The following TCF25 variants were observed in gnomAD, a reference collection of about 807,000 sequenced individuals.
TCF25 encodes the protein TCF25 ribosome quality control complex subunit.
TCF25 carries 41 observed loss-of-function variants against 83.1 expected under a neutral mutation model. The observed-to-expected ratio is 0.49, with a 90% CI of 0.38 to 0.64. The LOEUF (loss-of-function observed/expected upper bound fraction) is 0.64, where lower values mean the gene tolerates loss of function less well. Ranked by LOEUF, TCF25 falls within the 30% of genes least tolerant of loss-of-function variation. The probability of loss-of-function intolerance (pLI) is 0.00; values close to 1 mark genes in which losing one functional copy is unlikely to be tolerated. For synonymous variants in TCF25, 458 were observed against 365.0 expected, an observed-to-expected ratio of 1.25 and a Z score of -2.90; for missense variants, 979 against 914.5, an observed-to-expected ratio of 1.07 and a Z score of -0.91.
At chr16:89,888,315 T>C (rs2043167759) in intron 5 of TCF25, among the ~76,000 whole-genome samples, 1 of 146,842 alleles carries the variant, frequency 6.8e-6, no homozygotes, top group Non-Finnish European at 1.5e-5. Flanking sequence ...AGTTTTGTCG[T>C]GGTGGCTCAC....
At chr16:89,909,384 A>G in intron 16 of TCF25, 1 of 303,084 alleles carries the variant, frequency 3.3e-6, no homozygotes, top group South Asian at 3.0e-5. Context: ...GGTGCCGCAC[A>G]CCTGTAGTCC....
chr16:89,886,027 C>T lies in TCF25; in HGVS notation c.548+61C>T, dbSNP rs1397273891. The T allele has an allele frequency of 2.1e-6, 3 of 1,421,216 alleles. No homozygotes were observed. The South Asian group carries it at 3.5e-5, about 16-fold the overall frequency. The allele number at this position is 1,421,216 out of a possible 1,614,324, so 88.0% of individuals were successfully genotyped here. A position where few individuals can be genotyped will look rare whatever the true frequency, so the allele number is the denominator to read the frequency against. Reference sequence around the variant, plus strand: ...CTGCGGCTGCCCTTCTCTGCGGCTGCCCTTCTCTGCGGCTGCCCTTCTCTG... The same window carrying T: ...CTGCGGCTGCCCTTCTCTGCGGCTGTCCTTCTCTGCGGCTGCCCTTCTCTG... On this transcript the variant is annotated intron_variant, in intron 4 of 17. Coordinates refer to ENST00000263346, the MANE Select transcript of TCF25 (RefSeq NM_014972.3).
chr16:89,892,140 G>C (rs2043480610), intron 5 of TCF25, 53 bp from the exon 6 acceptor site: 1 of 1,511,144 alleles, frequency 6.6e-7, no homozygotes, highest in Non-Finnish European at 8.9e-7. Context: ...GCCAAGCCTT[G>C]GTCCCCACAC....
intron 12 of TCF25, 66 bp downstream of exon 12, chr16:89,900,860 C>G (rs951177884): frequency 6.3e-6 from 9 of 1,436,442 alleles, no homozygotes; most frequent in Non-Finnish European, 7.4e-6. Flanking sequence ...GCTGCTCTTC[C>G]TGGTGGTGGA....
At chr16:89,895,895 C>T (rs1031015779) in intron 8 of TCF25, 95 bp from the exon 9 acceptor site, 9 of 1,161,984 alleles carry the variant, frequency 7.7e-6, no homozygotes, top group African/African-American at 3.1e-5. Flanking sequence ...CGTGACCTTC[C>T]GTCCAGACCT....
Position 89,873,824 on chromosome 16 carries a change from A to C in TCF25, c.157A>C (p.Lys53Gln), listed in dbSNP as rs13338056. Residue 53 changes from lysine to glutamine, a missense_variant, in exon 1 of 18, where the codon AAG becomes CAG. Transcript: ENST00000263346. Reference sequence around the variant, plus strand: ...TGTCCGGCGTCCCGGGGGCGCAGGGAAGGAGGGCGTCCGAGTCAACAACCG... The same window carrying C: ...TGTCCGGCGTCCCGGGGGCGCAGGGCAGGAGGGCGTCCGAGTCAACAACCG... ...LGVRRPGGAGKEGVRVNNRFE... is the reference protein window; with the variant it reads ...LGVRRPGGAGQEGVRVNNRFE... 23,106 of 1,583,548 alleles carry C rather than the reference A, an allele frequency of 0.015. 1,317 individuals are homozygous for C. In the African/African-American group the frequency reaches 0.16, roughly 11 times the overall value.
rs78904108 is a variant in TCF25 at position 89,910,431 on chromosome 16, G to A, written c.1800-160G>A. Reference sequence around the variant, plus strand: ...GATGAGGAAGCCTCACGGGCCACCCGGGGAATCCAGGGCCTGTGCTCAGCT... The same window carrying A: ...GATGAGGAAGCCTCACGGGCCACCCAGGGAATCCAGGGCCTGTGCTCAGCT... On this transcript the variant is annotated intron_variant, in intron 16 of 17. Transcript: ENST00000263346. 6.5e-3 allele frequency: 4,407 copies of A among 683,154 alleles called. 126 individuals carry two copies. In the African/African-American group the frequency reaches 0.069, roughly 11 times the overall value. The allele number at this position is 683,154 out of a possible 1,614,324, so 42.3% of individuals were successfully genotyped here.
chr16:89,898,998 A>C (rs1202524578), intron 11 of TCF25, 126 bp downstream of exon 11: 2 of 889,716 alleles, frequency 2.2e-6, no homozygotes, highest in African/African-American at 3.3e-5. Flanking sequence ...TGAGGGCAGA[A>C]CCACGTCCTC....
At position 89,893,860 on chromosome 16, in the gene TCF25, T is replaced by C; in HGVS notation, c.828+2T>C. 1 of 1,601,012 alleles carries C rather than the reference T, an allele frequency of 6.2e-7. No individual in the cohort carries two copies. The highest frequency in any genetic ancestry group is 1.1e-5 in the South Asian group (1 of 89,172). On this transcript the variant is annotated splice_donor_variant, in intron 7 of 17. Coordinates refer to ENST00000263346, the MANE Select transcript of TCF25 (RefSeq NM_014972.3). LOFTEE classifies it high-confidence loss of function. ...TCTATGGAGCCGAACAACATCGTGG[T>C]GCGTGGTCCCTGCAGCCCCTGACAG...
In TCF25 at chr16:89,896,023, AC is replaced by A. The variant is rs1426144510; in HGVS notation, c.967del (p.Leu323CysfsTer29). ...RALYSMECAF[H>X]PLFSLTSGAC... ...CTGTACAGCATGGAATGTGCGTTCCACCCCCTGTTCAGTCTCACCAGTGGGG... is the reference window on the plus strand; with the variant it reads ...CTGTACAGCATGGAATGTGCGTTCCACCCCTGTTCAGTCTCACCAGTGGGG... On this transcript the variant is annotated frameshift_variant, in exon 9 of 18. Coordinates refer to ENST00000263346, the MANE Select transcript of TCF25 (RefSeq NM_014972.3). LOFTEE classifies it high-confidence loss of function. 1 of 1,613,398 alleles carries A rather than the reference AC, an allele frequency of 6.2e-7. No individual in the cohort carries two copies. The highest frequency in any genetic ancestry group is 8.5e-7 in the Non-Finnish European group (1 of 1,179,918).
At chr16:89,889,269 G>A (rs139393946) in intron 5 of TCF25, 6,627 of 389,172 alleles carry the variant, frequency 0.017, 233 homozygotes, top group South Asian at 0.082. Context: ...TTTTGAACTC[G>A]TGGCCTCAAG....
At chr16:89,899,789 G>A (rs2044174844) in intron 11 of TCF25, among the ~76,000 whole-genome samples, 1 of 152,160 alleles carries the variant, frequency 6.6e-6, no homozygotes, top group Non-Finnish European at 1.5e-5. Flanking sequence ...CTATGGGGCA[G>A]CACTTATCTG....
At position 89,895,052 on chromosome 16, in the gene TCF25, G is replaced by C. The variant is rs180848965; in HGVS notation, c.843G>C (p.Thr281=). The change falls in exon 8 of 18, where the codon ACG becomes ACC. Residue 281 remains threonine (T), a synonymous_variant. Coordinates refer to ENST00000263346, the MANE Select transcript of TCF25 (RefSeq NM_014972.3). ...EPNNIVVLLQ[T]SPYHVDSLLQ... ...CCTTCTGGTAGGTTCTGCTCCAGAC[G>C]AGCCCTTACCACGTTGACTCACTCC... is the stretch of plus-strand genomic sequence containing the variant. 1 of 1,613,138 alleles carries C rather than the reference G, an allele frequency of 6.2e-7. No individual in the cohort carries two copies. Among genetic ancestry groups the C allele is most frequent in the Non-Finnish European group, 8.5e-7 (1 of 1,179,644 alleles).
intron 1 of TCF25, chr16:89,878,463 A>G: frequency 1.6e-6 from 2 of 1,230,066 alleles, no homozygotes; most frequent in Non-Finnish European, 1.0e-6. Flanking sequence ...TTTTTTAGGA[A>G]AAATGGACAT....
At chr16:89,889,433 T>A in intron 5 of TCF25, 1 of 242,508 alleles carries the variant, frequency 4.1e-6, no homozygotes, top group Non-Finnish European at 8.1e-6. Context: ...TCCCTCTACC[T>A]CCTAAAGTGC....
chr16:89,906,899 A>C (rs528505644), intron 15 of TCF25, among the ~76,000 whole-genome samples: 2 of 152,208 alleles, frequency 1.3e-5, no homozygotes, highest in East Asian at 3.9e-4. Context: ...GGGTCCCTGT[A>C]GCCTGCATTT....
intron 13 of TCF25, chr16:89,904,465 T>A (rs2044607422): frequency 1.8e-6 from 1 of 551,442 alleles, no homozygotes; most frequent in African/African-American, 1.9e-5. Context: ...TGGCGGCACA[T>A]GCCTGTAATC....
chr16:89,880,747 C>T (rs1260340403), intron 1 of TCF25, among the ~76,000 whole-genome samples: 1 of 152,150 alleles, frequency 6.6e-6, no homozygotes, highest in African/African-American at 2.4e-5. Flanking sequence ...TAAACCAGCA[C>T]CCAGCTTCAC....
chr16:89,882,562 G>A lies in TCF25; in HGVS notation c.193-789G>A, dbSNP rs552010506. ...AAAAAGAGAGAGAGAAGGTTTCATC[G>A]TATGAATTATTTTTATCGTATGTCA... On this transcript the variant is annotated intron_variant, in intron 1 of 17. Transcript: ENST00000263346. 7.2e-5 allele frequency among the ~76,000 whole-genome samples: 11 copies of A among 152,204 alleles called. No homozygotes were observed. In the South Asian group the frequency reaches 2.3e-3, roughly 32 times the overall value.
Sources: allele counts gnomAD v4.1 joint callset (sites outside exome capture counted in the v4.1 genomes callset), GRCh38; gene constraint gnomAD v4.1.1; transcripts MANE v1.5; gene names NCBI Gene and HGNC (gene_info 2026-07-23, HGNC 2026-07-21).